The following BNC2 variants were observed in gnomAD, a reference collection of about 807,000 sequenced individuals.
The protein encoded by BNC2 is basonuclin zinc finger protein 2.
In BNC2, 20 loss-of-function variants were observed where a neutral mutation model predicts 76.3. The ratio of observed to expected loss-of-function variants is 0.26; its 90% CI spans 0.18 to 0.38. BNC2 has a LOEUF of 0.38. Among genes scored for constraint, BNC2 ranks in the 10% least tolerant of loss-of-function variants. BNC2 has a pLI of 1.00. For missense variants in BNC2, 1,382 were observed against 1,399.8 expected (o/e 0.99, Z 0.20); for synonymous variants, 582 against 514.8 (o/e 1.13, Z -1.77).
intron 5 of BNC2, among the ~76,000 whole-genome samples, chr9:16,488,144 C>T (rs1336010449): frequency 6.6e-6 from 1 of 152,196 alleles, no homozygotes; most frequent in Non-Finnish European, 1.5e-5. Context: ...TTACTACAGA[C>T]AATTTCGGTG....
At chr9:16,422,293 C>T (rs561512317) in intron 6 of BNC2, among the ~76,000 whole-genome samples, 300 of 152,236 alleles carry the variant, frequency 2.0e-3, no homozygotes, top group African/African-American at 6.9e-3. Context: ...GTCCCTTTTC[C>T]GCTGTCAGCA....
At chr9:16,532,038 G>A (rs1168813345) in intron 5 of BNC2, among the ~76,000 whole-genome samples, 3 of 147,516 alleles carry the variant, frequency 2.0e-5, no homozygotes, top group Non-Finnish European at 3.0e-5. Flanking sequence ...AAAGATTTAA[G>A]TTCTTTTTTT....
At chr9:16,502,322 T>G (rs570913877) in intron 5 of BNC2, among the ~76,000 whole-genome samples, 7 of 152,310 alleles carry the variant, frequency 4.6e-5, no homozygotes, top group Admixed American at 4.6e-4. Context: ...CATTCTAGCC[T>G]GGGCGACAGA....
intron 1 of BNC2, among the ~76,000 whole-genome samples, chr9:16,795,125 A>C (rs1469424147): frequency 6.6e-6 from 1 of 152,210 alleles, no homozygotes; most frequent in Non-Finnish European, 1.5e-5. Flanking sequence ...CAGAACAATG[A>C]GAATAAAAAG....
intron 3 of BNC2, among the ~76,000 whole-genome samples, chr9:16,584,863 G>C (rs983271821): frequency 6.6e-6 from 1 of 151,910 alleles, no homozygotes; most frequent in Non-Finnish European, 1.5e-5. Flanking sequence ...CTAAAAACAA[G>C]AACTTTACAA....
At chr9:16,835,785 A>G (rs1818692670) in intron 1 of BNC2, among the ~76,000 whole-genome samples, 1 of 152,224 alleles carries the variant, frequency 6.6e-6, no homozygotes. Context: ...ATCCTATTTT[A>G]AATATGAGGT....
At chr9:16,791,304 G>A (rs574278391) in intron 1 of BNC2, among the ~76,000 whole-genome samples, 10 of 151,866 alleles carry the variant, frequency 6.6e-5, no homozygotes, top group Non-Finnish European at 1.2e-4. Context: ...ATCGTGATCC[G>A]CCTGCCTCGG....
chr9:16,571,745 T>A (rs1819330045), intron 4 of BNC2, among the ~76,000 whole-genome samples: 1 of 152,184 alleles, frequency 6.6e-6, no homozygotes, highest in South Asian at 2.1e-4. Flanking sequence ...CCTTCAGTTT[T>A]GACTGCCTGT....
intron 5 of BNC2, among the ~76,000 whole-genome samples, chr9:16,510,689 T>C (rs1035111961): frequency 2.8e-4 from 42 of 152,162 alleles, no homozygotes; most frequent in African/African-American, 9.9e-4. Flanking sequence ...CATGACAGGA[T>C]AGGGAAGGTG....
intron 5 of BNC2, among the ~76,000 whole-genome samples, chr9:16,527,517 T>C (rs1015878636): frequency 6.6e-6 from 1 of 152,114 alleles, no homozygotes; most frequent in Non-Finnish European, 1.5e-5. Context: ...CCAACACAAC[T>C]TCCTACAAGT....
intron 1 of BNC2, among the ~76,000 whole-genome samples, chr9:16,782,332 AT>A (rs1826176951): frequency 6.6e-6 from 1 of 151,824 alleles, no homozygotes; most frequent in African/African-American, 2.4e-5. Context: ...GTATAATTAA[AT>A]TTTTTTAGAA....
intron 3 of BNC2, among the ~76,000 whole-genome samples, chr9:16,635,819 T>A (rs2133795372): frequency 6.6e-6 from 1 of 152,272 alleles, no homozygotes; most frequent in South Asian, 2.1e-4. Flanking sequence ...AAGTAAAGGT[T>A]TCTTCAACAC....
At chr9:16,534,749 C>T (rs1293753940) in intron 5 of BNC2, among the ~76,000 whole-genome samples, 2 of 152,040 alleles carry the variant, frequency 1.3e-5, no homozygotes, top group African/African-American at 2.4e-5. Context: ...CATAAATAAC[C>T]TAGATATGAT....
chr9:16,863,632 T>C (rs917404612), intron 1 of BNC2, among the ~76,000 whole-genome samples: 5 of 151,994 alleles, frequency 3.3e-5, no homozygotes, highest in African/African-American at 1.2e-4. Flanking sequence ...GAGATGGAGG[T>C]TGCAGTGAGC....
chr9:16,537,369 C>G (rs1403545862), intron 5 of BNC2, among the ~76,000 whole-genome samples: 16 of 151,954 alleles, frequency 1.1e-4, no homozygotes, highest in Non-Finnish European at 4.4e-5. Context: ...TTCTTAAAAA[C>G]CACATATTAC....
At chr9:16,587,175 C>G (rs748339339) in intron 3 of BNC2, among the ~76,000 whole-genome samples, 4 of 150,994 alleles carry the variant, frequency 2.6e-5, no homozygotes, top group Non-Finnish European at 4.4e-5. Flanking sequence ...TCAGAAACAA[C>G]TCTCCATTCC....
intron 4 of BNC2, among the ~76,000 whole-genome samples, chr9:16,556,722 C>T (rs1372351926): frequency 6.6e-6 from 1 of 150,448 alleles, no homozygotes; most frequent in African/African-American, 2.5e-5. Context: ...GAGCCAAGAT[C>T]ATGCCACTGC....
chr9:16,858,003 C>T (rs1819305179), intron 1 of BNC2, among the ~76,000 whole-genome samples: 1 of 152,164 alleles, frequency 6.6e-6, no homozygotes, highest in Non-Finnish European at 1.5e-5. Flanking sequence ...GTAAAGCAAG[C>T]TCATGTTTCC....
At chr9:16,601,478 C>T (rs1028462875) in intron 3 of BNC2, among the ~76,000 whole-genome samples, 3 of 152,098 alleles carry the variant, frequency 2.0e-5, no homozygotes, top group African/African-American at 2.4e-5. Context: ...GTTTCGAATC[C>T]CCTGGGACAT....
Sources: gnomAD v4.1 joint callset for allele counts (sites outside exome capture counted in the v4.1 genomes callset) on GRCh38, gnomAD v4.1.1 for gene constraint, MANE v1.5 for transcripts, NCBI Gene and HGNC (gene_info 2026-07-23, HGNC 2026-07-21) for gene names.